The following GABRG3 variants were observed in gnomAD, a reference collection of about 807,000 sequenced individuals.
GABRG3 encodes gamma-aminobutyric acid receptor subunit gamma-3.
GABRG3 carries 25 observed loss-of-function variants against 48.8 expected under a neutral mutation model. The observed-to-expected ratio is 0.51, with a 90% CI of 0.37 to 0.72. GABRG3 has a LOEUF of 0.72. Ranked by LOEUF, GABRG3 falls within the 30% of genes least tolerant of loss-of-function variation. The pLI, the probability that GABRG3 is intolerant of heterozygous loss-of-function variation, is 0.00. For missense variants in GABRG3, 394 were observed against 577.9 expected, an observed-to-expected ratio of 0.68 and a Z score of 3.26; for synonymous variants, 227 against 217.6, an observed-to-expected ratio of 1.04 and a Z score of -0.38.
At chr15:27,231,262 A>C (rs1461727647) in intron 3 of GABRG3, among the ~76,000 whole-genome samples, 2 of 134,628 alleles carry the variant, frequency 1.5e-5, no homozygotes, top group Non-Finnish European at 3.1e-5. Context: ...TTTTCAAAAA[A>C]TCCTCTAACA....
At chr15:27,422,837 G>A (rs1306361053) in intron 5 of GABRG3, among the ~76,000 whole-genome samples, 2 of 152,156 alleles carry the variant, frequency 1.3e-5, no homozygotes, top group East Asian at 1.9e-4. Context: ...AACTCACAAG[G>A]CAAAAGAGCA....
intron 3 of GABRG3, among the ~76,000 whole-genome samples, chr15:27,322,528 G>GA (rs1446648238): frequency 4.6e-5 from 7 of 152,288 alleles, no homozygotes; most frequent in Admixed American, 2.6e-4. Context: ...AGAGAAATGA[G>GA]AAAAAAGTGG....
chr15:27,119,297 G>A (rs34779742), intron 3 of GABRG3, among the ~76,000 whole-genome samples: 1 of 152,040 alleles, frequency 6.6e-6, no homozygotes, highest in Non-Finnish European at 1.5e-5. Flanking sequence ...GAAGGCTCCA[G>A]TGTAACATAA....
At chr15:27,377,392 C>A (rs1162910903) in intron 5 of GABRG3, among the ~76,000 whole-genome samples, 1 of 152,104 alleles carries the variant, frequency 6.6e-6, no homozygotes, top group Non-Finnish European at 1.5e-5. Flanking sequence ...TACCAATTTA[C>A]TGTTTAGTCA....
intron 3 of GABRG3, among the ~76,000 whole-genome samples, chr15:27,035,404 C>G (rs1348425755): frequency 6.6e-6 from 1 of 152,208 alleles, no homozygotes; most frequent in South Asian, 2.1e-4. Flanking sequence ...CTGACTCCTT[C>G]AAATGTGTGA....
intron 3 of GABRG3, among the ~76,000 whole-genome samples, chr15:27,212,868 A>G (rs1282691039): frequency 6.6e-6 from 1 of 152,184 alleles, no homozygotes; most frequent in Non-Finnish European, 1.5e-5. Flanking sequence ...TTTACTCAGC[A>G]TCATGTCCTC....
At chr15:27,347,295 G>A (rs1015401568) in intron 5 of GABRG3, among the ~76,000 whole-genome samples, 2 of 152,200 alleles carry the variant, frequency 1.3e-5, no homozygotes, top group South Asian at 2.1e-4. Context: ...TGGAGCCAAC[G>A]GAGGTTTGTT....
At chr15:27,486,607 C>G (rs1890226214) in intron 6 of GABRG3, among the ~76,000 whole-genome samples, 2 of 152,180 alleles carry the variant, frequency 1.3e-5, no homozygotes, top group Non-Finnish European at 2.9e-5. Context: ...TCAGACCACA[C>G]TGTACTTGAA....
intron 3 of GABRG3, among the ~76,000 whole-genome samples, chr15:27,201,478 A>G (rs2140429082): frequency 6.6e-6 from 1 of 151,758 alleles, no homozygotes; most frequent in Admixed American, 6.6e-5. Context: ...GATGAGGAGG[A>G]AAACAGAGGG....
chr15:27,507,560 G>A (rs1244474328), intron 6 of GABRG3, among the ~76,000 whole-genome samples: 3 of 151,790 alleles, frequency 2.0e-5, no homozygotes, highest in Non-Finnish European at 4.4e-5. Flanking sequence ...GTTAAGCTTC[G>A]GTTTGTGGCC....
intron 5 of GABRG3, among the ~76,000 whole-genome samples, chr15:27,375,438 CAA>C (rs1262012779): frequency 1.3e-5 from 2 of 152,140 alleles, no homozygotes; most frequent in African/African-American, 2.4e-5. Flanking sequence ...TAAGTCCCAG[CAA>C]AGCATCAGAC....
chr15:27,497,941 C>T (rs1343836433), intron 6 of GABRG3, among the ~76,000 whole-genome samples: 1 of 152,150 alleles, frequency 6.6e-6, no homozygotes, highest in Non-Finnish European at 1.5e-5. Flanking sequence ...GTTTTTGATT[C>T]CAAGTTTGTT....
intron 3 of GABRG3, among the ~76,000 whole-genome samples, chr15:27,101,809 A>G (rs537895557): frequency 1.3e-5 from 2 of 151,624 alleles, no homozygotes; most frequent in African/African-American, 4.8e-5. Flanking sequence ...GGCCATAGAT[A>G]AAATACACTA....
At chr15:27,356,970 A>C (rs1219013423) in intron 5 of GABRG3, among the ~76,000 whole-genome samples, 1 of 152,176 alleles carries the variant, frequency 6.6e-6, no homozygotes, top group African/African-American at 2.4e-5. Context: ...TGTTCATTAT[A>C]AAATCCTTTC....
chr15:26,973,761 TTC>T (rs1213561717), intron 1 of GABRG3, among the ~76,000 whole-genome samples: 1 of 152,226 alleles, frequency 6.6e-6, no homozygotes, highest in Non-Finnish European at 1.5e-5. Context: ...TTCAGACTTT[TTC>T]TCTGTCCTTC....
chr15:27,188,448 G>A (rs924129688), intron 3 of GABRG3, among the ~76,000 whole-genome samples: 2 of 152,080 alleles, frequency 1.3e-5, no homozygotes, highest in Non-Finnish European at 2.9e-5. Flanking sequence ...ATCTCATTGT[G>A]GTTTTGATTT....
chr15:27,349,515 A>G (rs1381291874), intron 5 of GABRG3, among the ~76,000 whole-genome samples: 2 of 152,204 alleles, frequency 1.3e-5, no homozygotes, highest in African/African-American at 4.8e-5. Context: ...GAAAACCACA[A>G]AAGTCACAAA....
At chr15:27,308,610 CAT>C (rs1028494932) in intron 3 of GABRG3, among the ~76,000 whole-genome samples, 8 of 125,906 alleles carry the variant, frequency 6.4e-5, no homozygotes, top group South Asian at 4.7e-4. Context: ...ATAATGTAAA[CAT>C]ACGCTTATAT....
At chr15:27,476,098 G>T (rs1447538002) in intron 5 of GABRG3, among the ~76,000 whole-genome samples, 5 of 152,170 alleles carry the variant, frequency 3.3e-5, no homozygotes, top group Non-Finnish European at 1.5e-5. Flanking sequence ...AATGGCTACT[G>T]CAGCAAACAC....
Sources: gnomAD v4.1 joint callset for allele counts (sites outside exome capture counted in the v4.1 genomes callset) on GRCh38, gnomAD v4.1.1 for gene constraint, MANE v1.5 for transcripts, NCBI Gene and HGNC (gene_info 2026-07-23, HGNC 2026-07-21) for gene names.